The following IGF2BP3 variants were observed in gnomAD, a reference collection of about 807,000 sequenced individuals.
IGF2BP3 encodes insulin like growth factor 2 mRNA binding protein 3.
IGF2BP3 carries 9 observed loss-of-function variants against 73.8 expected under a neutral mutation model. That is an observed-to-expected ratio of 0.12 (90% CI 0.07 to 0.21). The LOEUF is 0.21. Among genes scored for constraint, IGF2BP3 ranks in the 10% least tolerant of loss-of-function variants. The pLI, the probability that IGF2BP3 is intolerant of heterozygous loss-of-function variation, is 1.00. For synonymous variants in IGF2BP3, 258 were observed against 256.7 expected (o/e 1.01, Z -0.05); for missense variants, 542 against 714.0 (o/e 0.76, Z 2.75).
In IGF2BP3 at chr7:23,311,281, A is replaced by G. The variant is rs891401366; in HGVS notation, c.*1081T>C. On this transcript the variant is annotated 3_prime_UTR_variant, in exon 15 of 15. Coordinates refer to ENST00000258729, the MANE Select transcript of IGF2BP3 (RefSeq NM_006547.3). The stretch of plus-strand genomic sequence containing the variant: ...AGTGTAGTGGCAAACTAAGCATCCT[A>G]TAAGACAAGCTAAAGCTTGCTTTTT... The G allele has an allele frequency of 6.6e-6, 1 of 152,564 alleles. No homozygotes were observed. The highest frequency in any genetic ancestry group is 2.4e-5 in the African/African-American group (1 of 41,444). The allele number at this position is 152,564 out of a possible 1,614,324, so 9.5% of individuals were successfully genotyped here. A position where few individuals can be genotyped will look rare whatever the true frequency, so the allele number is the denominator to read the frequency against.
At chr7:23,349,098 A>G (rs1784899687) in intron 6 of IGF2BP3, among the ~76,000 whole-genome samples, 1 of 152,216 alleles carries the variant, frequency 6.6e-6, no homozygotes, top group Non-Finnish European at 1.5e-5. Flanking sequence ...ACATATTTAT[A>G]TGTTTTGAAT....
intron 3 of IGF2BP3, among the ~76,000 whole-genome samples, chr7:23,380,193 T>C (rs1785864563): frequency 7.9e-6 from 1 of 126,782 alleles, no homozygotes; most frequent in Non-Finnish European, 1.6e-5. Context: ...AGATGGAGTC[T>C]CGCTCTGTTG....
At chr7:23,428,387 G>A (rs1387242167) in intron 2 of IGF2BP3, among the ~76,000 whole-genome samples, 1 of 151,732 alleles carries the variant, frequency 6.6e-6, no homozygotes, top group African/African-American at 2.4e-5. Flanking sequence ...CAGGAGAATC[G>A]CTTGAACTCG....
chr7:23,380,215 G>C (rs796783173), intron 3 of IGF2BP3, among the ~76,000 whole-genome samples: 25 of 138,446 alleles, frequency 1.8e-4, no homozygotes, highest in African/African-American at 6.9e-4. Context: ...CCAGGCTGGA[G>C]AGCAGTGGCA....
chr7:23,443,358 C>T (rs955140799), intron 2 of IGF2BP3, among the ~76,000 whole-genome samples: 1 of 152,088 alleles, frequency 6.6e-6, no homozygotes, highest in African/African-American at 2.4e-5. Context: ...CTCCCGACCT[C>T]AGGTGATTCA....
chr7:23,342,222 A>G (rs2128501452), intron 9 of IGF2BP3, 33 bp from the exon 10 acceptor site: 1 of 1,610,876 alleles, frequency 6.2e-7, no homozygotes, highest in Non-Finnish European at 8.5e-7. Context: ...TAATTTGACA[A>G]TTAAAAGAAT....
At chr7:23,395,664 G>A (rs374488986) in intron 3 of IGF2BP3, among the ~76,000 whole-genome samples, 8 of 151,454 alleles carry the variant, frequency 5.3e-5, no homozygotes, top group African/African-American at 2.4e-5. Flanking sequence ...AGTGTTTCAC[G>A]CATGTAATCC....
At chr7:23,321,345 G>T (rs1004470966) in intron 10 of IGF2BP3, among the ~76,000 whole-genome samples, 1 of 152,212 alleles carries the variant, frequency 6.6e-6, no homozygotes, top group Non-Finnish European at 1.5e-5. Flanking sequence ...ACTCCCACAT[G>T]AATACTGCGC....
intron 10 of IGF2BP3, among the ~76,000 whole-genome samples, chr7:23,324,825 T>C (rs1227911630): frequency 7.7e-6 from 1 of 130,086 alleles, no homozygotes; most frequent in Non-Finnish European, 1.6e-5. Flanking sequence ...AAAAACCACA[T>C]GATTATCTCA....
chr7:23,323,170 G>C (rs968042328), intron 10 of IGF2BP3, among the ~76,000 whole-genome samples: 1 of 152,076 alleles, frequency 6.6e-6, no homozygotes, highest in African/African-American at 2.4e-5. Context: ...CTGTATTCAG[G>C]AAACCCATCA....
At chr7:23,452,004 T>C (rs188165826) in intron 2 of IGF2BP3, among the ~76,000 whole-genome samples, 22 of 151,314 alleles carry the variant, frequency 1.5e-4, no homozygotes, top group Non-Finnish European at 2.7e-4. Context: ...TTTTTTTTTT[T>C]ATTTATTTTT....
chr7:23,392,525 C>CCT (rs1193797982), intron 3 of IGF2BP3, among the ~76,000 whole-genome samples: 3 of 146,004 alleles, frequency 2.1e-5, no homozygotes, highest in African/African-American at 8.3e-5. Context: ...TACACACACA[C>CCT]ATACACACAC....
intron 2 of IGF2BP3, among the ~76,000 whole-genome samples, chr7:23,433,475 TA>T (rs754040320): frequency 1.3e-5 from 2 of 151,746 alleles, no homozygotes; most frequent in Non-Finnish European, 2.9e-5. Context: ...TTAGGTTGTA[TA>T]TAATAACTAA....
intron 2 of IGF2BP3, among the ~76,000 whole-genome samples, chr7:23,453,885 C>CT (rs1788256600): frequency 6.6e-6 from 1 of 152,180 alleles, no homozygotes; most frequent in Non-Finnish European, 1.5e-5. Context: ...GGATCTCACT[C>CT]TATCGCCCAG....
At chr7:23,366,783 C>T (rs1406649779) in intron 3 of IGF2BP3, among the ~76,000 whole-genome samples, 2 of 152,000 alleles carry the variant, frequency 1.3e-5, no homozygotes, top group Admixed American at 1.3e-4. Flanking sequence ...CTGTCAATAG[C>T]CTAATAAGAT....
At chr7:23,381,750 G>T (rs1785916431) in intron 3 of IGF2BP3, among the ~76,000 whole-genome samples, 1 of 151,986 alleles carries the variant, frequency 6.6e-6, no homozygotes. Context: ...TGTATTTTTA[G>T]TAGAGATGGG....
chr7:23,465,518 A>G (rs1279155268), intron 2 of IGF2BP3, among the ~76,000 whole-genome samples: 9 of 132,292 alleles, frequency 6.8e-5, no homozygotes. Flanking sequence ...TACTTCCTGA[A>G]AGGGTCCCCC....
rs747207098 is a variant in IGF2BP3 at position 23,313,607 on chromosome 7, C to T, written c.1442G>A (p.Ser481Asn). Reference protein sequence around the residue: ...YGKIKEENFVSPKEEVKLEAH... With the variant: ...YGKIKEENFVNPKEEVKLEAH... ...TTCAAGTTTCACCTCTTCTTTAGGA[C>T]TAACAAAGTTTTCTTCTTTAATTTT... The change falls in exon 13 of 15, where the codon AGT becomes AAT. Residue 481 changes from serine to asparagine, a missense_variant. Transcript: ENST00000258729. 2 of 1,613,956 alleles carry T rather than the reference C, an allele frequency of 1.2e-6. No homozygotes were observed. Among genetic ancestry groups the T allele is most frequent in the South Asian group, 2.2e-5 (2 of 91,072 alleles).
chr7:23,326,462 G>A (rs1322749571), intron 10 of IGF2BP3, among the ~76,000 whole-genome samples: 1 of 151,552 alleles, frequency 6.6e-6, no homozygotes, highest in Non-Finnish European at 1.5e-5. Context: ...CTTTTACACT[G>A]TTGGTGGGAC....
Sources: allele counts gnomAD v4.1 joint callset (sites outside exome capture counted in the v4.1 genomes callset), GRCh38; gene constraint gnomAD v4.1.1; transcripts MANE v1.5; gene names NCBI Gene and HGNC (gene_info 2026-07-23, HGNC 2026-07-21).